The following TMEM178B variants were observed in gnomAD, a reference collection of about 807,000 sequenced individuals.
TMEM178B encodes the protein transmembrane protein 178B.
In TMEM178B, 5 loss-of-function variants were observed where a neutral mutation model predicts 31.0. That is an observed-to-expected ratio of 0.16 (90% confidence interval 0.08 to 0.34). The LOEUF is 0.34. Among genes scored for constraint, TMEM178B ranks in the 10% least tolerant of loss-of-function variants. TMEM178B has a pLI of 1.00. For missense variants in TMEM178B, 275 were observed against 400.3 expected (o/e 0.69, Z 2.67); for synonymous variants, 164 against 164.0 (o/e 1.00, Z 0.00).
chr7:141,148,689 T>A (rs1238864047), intron 1 of TMEM178B, among the ~76,000 whole-genome samples: 1 of 152,230 alleles, frequency 6.6e-6, no homozygotes, highest in African/African-American at 2.4e-5. Flanking sequence ...CTATTCTTGG[T>A]GCAGAGAATA....
rs374588666 is a variant in TMEM178B, at chr7:141,219,141, G to A, written c.496+6437G>A. Among the ~76,000 whole-genome samples the A allele has an allele frequency of 5.3e-5, 8 of 152,262 alleles. No homozygotes were observed. In the East Asian group the frequency reaches 5.8e-4, roughly 11 times the overall value. On this transcript the variant is annotated intron_variant, in intron 2 of 3. Transcript: ENST00000565468. ...ACGTTTCCTCCCAGGAGTCCCTCCCGTGTTGTTGTGGCTCCTTTGCAGATG... is the reference window on the plus strand; with the variant it reads ...ACGTTTCCTCCCAGGAGTCCCTCCCATGTTGTTGTGGCTCCTTTGCAGATG...
chr7:141,165,596 G>T (rs1287994354), intron 1 of TMEM178B, among the ~76,000 whole-genome samples: 2 of 152,134 alleles, frequency 1.3e-5, no homozygotes, highest in Non-Finnish European at 2.9e-5. Flanking sequence ...TCTCAGTTCA[G>T]CTCACACTCA....
intron 3 of TMEM178B, among the ~76,000 whole-genome samples, chr7:141,457,993 T>C (rs1801996313): frequency 6.6e-6 from 1 of 152,212 alleles, no homozygotes; most frequent in Non-Finnish European, 1.5e-5. Flanking sequence ...CACACCACAC[T>C]GTTGGCAGTG....
intron 2 of TMEM178B, among the ~76,000 whole-genome samples, chr7:141,386,770 G>T (rs1800438693): frequency 6.6e-6 from 1 of 152,122 alleles, no homozygotes; most frequent in Non-Finnish European, 1.5e-5. Context: ...ATCAACTCTG[G>T]CTAATTTAAT....
intron 2 of TMEM178B, among the ~76,000 whole-genome samples, chr7:141,386,533 G>C (rs1038373921): frequency 6.6e-6 from 1 of 152,098 alleles, no homozygotes; most frequent in South Asian, 2.1e-4. Context: ...TTGATGTTTT[G>C]ATACATACAT....
At chr7:141,494,838 C>T in the TMEM178B span, among the ~76,000 whole-genome samples, 1 of 152,050 alleles carries the variant, frequency 6.6e-6, no homozygotes, top group Admixed American at 6.5e-5. Flanking sequence ...AATGTAGGCG[C>T]TGAGATAGTT....
intron 1 of TMEM178B, among the ~76,000 whole-genome samples, chr7:141,179,555 A>G (rs1194679081): frequency 6.6e-6 from 1 of 152,214 alleles, no homozygotes; most frequent in East Asian, 1.9e-4. Context: ...TGCTGACAGC[A>G]AAAGATTAGG....
At chr7:141,252,378 A>C (rs769334209) in intron 2 of TMEM178B, among the ~76,000 whole-genome samples, 10 of 152,174 alleles carry the variant, frequency 6.6e-5, no homozygotes, top group Non-Finnish European at 1.3e-4. Flanking sequence ...AGGATGGTTC[A>C]TCTTCCAATT....
At chr7:141,290,114 T>G (rs1355405775) in intron 2 of TMEM178B, among the ~76,000 whole-genome samples, 2 of 152,228 alleles carry the variant, frequency 1.3e-5, no homozygotes, top group African/African-American at 4.8e-5. Flanking sequence ...AGACTGTCTT[T>G]CACTTCTTTT....
intron 2 of TMEM178B, among the ~76,000 whole-genome samples, chr7:141,435,138 C>T (rs974290781): frequency 2.0e-5 from 3 of 148,792 alleles, no homozygotes; most frequent in Non-Finnish European, 4.4e-5. Context: ...GGAAGGACAT[C>T]CTCTTCAGTA....
intron 2 of TMEM178B, among the ~76,000 whole-genome samples, chr7:141,411,232 A>T (rs557965715): frequency 1.2e-3 from 172 of 149,444 alleles, no homozygotes; most frequent in South Asian, 5.5e-3. Flanking sequence ...GAAAAATTTT[A>T]AAAAAGAAAT....
chr7:141,235,109 T>C (rs1019353216), intron 2 of TMEM178B, among the ~76,000 whole-genome samples: 2 of 152,238 alleles, frequency 1.3e-5, no homozygotes, highest in Admixed American at 6.5e-5. Flanking sequence ...TCCCATCACA[T>C]TGGCCTCTAT....
chr7:141,093,551 GGA>G (rs1794911962), intron 1 of TMEM178B, among the ~76,000 whole-genome samples: 1 of 152,196 alleles, frequency 6.6e-6, no homozygotes, highest in South Asian at 2.1e-4. Flanking sequence ...TCATGGTACT[GGA>G]AGTTGTGAGA....
intron 2 of TMEM178B, among the ~76,000 whole-genome samples, chr7:141,362,515 A>T (rs59983787): frequency 0.049 from 7,296 of 150,278 alleles, 196 homozygotes; most frequent in South Asian, 0.089. Flanking sequence ...TTTTTTTTTT[A>T]AAAAAAAGAC....
intron 2 of TMEM178B, among the ~76,000 whole-genome samples, chr7:141,267,762 A>T (rs1798116414): frequency 6.6e-6 from 1 of 152,210 alleles, no homozygotes. Flanking sequence ...CCTTGTCTAG[A>T]GCAGCTTTCC....
At chr7:141,285,154 CTTTTTTTTTTTTTT>C (rs1030685003) in intron 2 of TMEM178B, among the ~76,000 whole-genome samples, 1 of 52,862 alleles carries the variant, frequency 1.9e-5, no homozygotes, top group Admixed American at 2.7e-4. Flanking sequence ...ATTCTTGTTT[CTTTTTTTTTTTTTT>C]TTTTTTTTTT....
the TMEM178B span, among the ~76,000 whole-genome samples, chr7:141,497,831 T>A: frequency 3.7e-3 from 567 of 152,232 alleles, 1 homozygote; most frequent in Non-Finnish European, 6.0e-3. Flanking sequence ...AGAAAAAACA[T>A]CTTCAAACTG....
In TMEM178B at chr7:141,215,338, T is replaced by G. The variant is rs541521377; in HGVS notation, c.496+2634T>G. 4.8e-4 allele frequency among the ~76,000 whole-genome samples: 12 copies of G among 25,012 alleles called. No homozygotes were observed. In the South Asian group the frequency reaches 8.7e-3, roughly 18 times the overall value. The allele number at this position is 25,012 out of a possible 152,430, so 16.4% of individuals were successfully genotyped here. A position where few individuals can be genotyped will look rare whatever the true frequency, so the allele number is the denominator to read the frequency against. On this transcript the variant is annotated intron_variant, in intron 2 of 3. Transcript: ENST00000565468. Reference sequence around the variant, plus strand: ...ATCTTTATTATTATTATTATTATTATTTTTTGAGATGGAGTCTCACTCTGT... The same window carrying G: ...ATCTTTATTATTATTATTATTATTAGTTTTTGAGATGGAGTCTCACTCTGT...
intron 1 of TMEM178B, among the ~76,000 whole-genome samples, chr7:141,159,301 T>G (rs1796127578): frequency 6.6e-6 from 1 of 152,132 alleles, no homozygotes; most frequent in Non-Finnish European, 1.5e-5. Flanking sequence ...CCAAATAAAA[T>G]CATGTTACTC....
Sources: allele counts gnomAD v4.1 joint callset (sites outside exome capture counted in the v4.1 genomes callset), GRCh38; gene constraint gnomAD v4.1.1; transcripts MANE v1.5; gene names NCBI Gene and HGNC (gene_info 2026-07-23, HGNC 2026-07-21).